NLN: variants seen among roughly 807,000 people sequenced by gnomAD.
The protein encoded by NLN is neurolysin, also known as neurolysin, mitochondrial.
Under a neutral mutation model 79.9 loss-of-function variants are expected in NLN, and 64 were observed. The observed-to-expected ratio is 0.80, with a 90% confidence interval of 0.65 to 0.99. The LOEUF (loss-of-function observed/expected upper bound fraction) is 0.99, where lower values mean the gene tolerates loss of function less well. Ranked by LOEUF, NLN falls within the 50% of genes least tolerant of loss-of-function variation. The pLI is 0.00. For synonymous variants in NLN, 267 were observed against 296.6 expected (o/e 0.90, Z 1.02); for missense variants, 835 against 858.7 (o/e 0.97, Z 0.34).
chr5:65,800,956 G>A (rs1187919595), intron 9 of NLN, among the ~76,000 whole-genome samples: 2 of 152,066 alleles, frequency 1.3e-5, no homozygotes, highest in African/African-American at 4.8e-5. Flanking sequence ...ACGTCTCAAA[G>A]TGCTGGAATT....
chr5:65,803,591 G>A (rs1397246934), intron 9 of NLN, among the ~76,000 whole-genome samples: 1 of 152,162 alleles, frequency 6.6e-6, no homozygotes, highest in African/African-American at 2.4e-5. Flanking sequence ...GCTACACCCA[G>A]GAGGGTGGGG....
In NLN at chr5:65,827,498, C is replaced by G. The variant is rs546088993; in HGVS notation, c.*4583C>G. On this transcript the variant is annotated 3_prime_UTR_variant, in exon 13 of 13. Transcript: ENST00000380985. ...ATTGCGTCCAGCAAGACACGCATTG[C>G]TGTTGATATCTTTGTGGCTAAGATG... The G allele has an allele frequency of 3.9e-5, 6 of 152,268 alleles. No homozygotes were observed. Among genetic ancestry groups the G allele is most frequent in the African/African-American group, 1.4e-4 (6 of 41,552 alleles). The allele number at this position is 152,268 out of a possible 1,614,324, so 9.4% of individuals were successfully genotyped here.
chr5:65,788,270 C>G lies in NLN; in HGVS notation c.1111C>G (p.Leu371Val). The G allele has an allele frequency of 6.2e-7, 1 of 1,614,074 alleles. No homozygotes were observed. Among genetic ancestry groups the G allele is most frequent in the Admixed American group, 1.7e-5 (1 of 60,020 alleles). The part of the protein sequence containing the change: ...LYYYMTQTEE[L>V]KYSIDQEFLK... ...TTACTACATGACTCAGACAGAGGAA[C>G]TCAAGTATTCCATAGACCAAGAGTT... Residue 371 changes from leucine to valine, a missense_variant, in exon 8 of 13, where the codon CTC (leucine) becomes GTC (valine). Coordinates refer to ENST00000380985, the MANE Select transcript of NLN (RefSeq NM_020726.5).
intron 9 of NLN, among the ~76,000 whole-genome samples, chr5:65,797,869 T>A (rs573082887): frequency 6.6e-6 from 1 of 152,296 alleles, no homozygotes; most frequent in Admixed American, 6.5e-5. Context: ...TGAGTGAAGA[T>A]CTGTGGAAGG....
intron 12 of NLN, among the ~76,000 whole-genome samples, chr5:65,819,722 A>G (rs1408684322): frequency 6.6e-6 from 1 of 152,184 alleles, no homozygotes; most frequent in East Asian, 1.9e-4. Flanking sequence ...TTTATAAACA[A>G]AGTATTAATA....
At chr5:65,724,235 T>A (rs1291159271) in intron 1 of NLN, among the ~76,000 whole-genome samples, 1 of 152,126 alleles carries the variant, frequency 6.6e-6, no homozygotes, top group Non-Finnish European at 1.5e-5. Flanking sequence ...TGAAACCCTG[T>A]ACCTATTACA....
chr5:65,756,411 C>T (rs528398062), intron 1 of NLN, among the ~76,000 whole-genome samples: 3 of 152,246 alleles, frequency 2.0e-5, no homozygotes, highest in African/African-American at 7.2e-5. Flanking sequence ...TTGAGTCAAA[C>T]TCCTGAATAT....
intron 1 of NLN, chr5:65,740,870 CTT>C (rs35913094): frequency 0.22 from 27,633 of 125,972 alleles, 2,125 homozygotes; most frequent in African/African-American, 0.25. Context: ...ATACGTAATT[CTT>C]TTTTTTTTTT....
At chr5:65,742,236 T>C (rs981554196) in intron 1 of NLN, among the ~76,000 whole-genome samples, 1 of 150,832 alleles carries the variant, frequency 6.6e-6, no homozygotes, top group Non-Finnish European at 1.5e-5. Flanking sequence ...TCATAAACAT[T>C]TTGTAAAAAG....
chr5:65,777,925 TGACA>T (rs1040404782), intron 4 of NLN, among the ~76,000 whole-genome samples: 5 of 152,226 alleles, frequency 3.3e-5, no homozygotes, highest in African/African-American at 9.6e-5. Context: ...AACCTCATGG[TGACA>T]GACAAACAAC....
chr5:65,750,904 T>C (rs1055725479), intron 1 of NLN, among the ~76,000 whole-genome samples: 16 of 152,196 alleles, frequency 1.1e-4, no homozygotes, highest in African/African-American at 3.9e-4. Context: ...GAAAGGACCC[T>C]GGACTTGAGC....
chr5:65,781,549 C>T, intron 6 of NLN, 128 bp downstream of exon 6: 1 of 694,630 alleles, frequency 1.4e-6, no homozygotes, highest in South Asian at 1.7e-5. Flanking sequence ...TCTCTAATTC[C>T]TCAGACTTAC....
chr5:65,727,835 C>T (rs1010251190), intron 1 of NLN, among the ~76,000 whole-genome samples: 13 of 152,102 alleles, frequency 8.5e-5, no homozygotes, highest in Admixed American at 3.3e-4. Flanking sequence ...GGCATGATCT[C>T]GGCTCACTGC....
In NLN at chr5:65,777,434, G is replaced by A. The variant is rs773255259; in HGVS notation, c.458G>A (p.Cys153Tyr). ...FERIVHLQET[C>Y]DLGKIKPEAR... Reference sequence around the variant, plus strand: ...CATGCTCTTTAATTTCAGGAAACCTGTGATCTGGGGAAGATAAAACCTGAG... The same window carrying A: ...CATGCTCTTTAATTTCAGGAAACCTATGATCTGGGGAAGATAAAACCTGAG... Residue 153 changes from cysteine to tyrosine, a missense_variant, in exon 4 of 13, where the codon TGT (cysteine) becomes TAT (tyrosine). By Grantham distance (194) the Cys-to-Tyr change is radical. Coordinates refer to ENST00000380985, the MANE Select transcript of NLN (RefSeq NM_020726.5). 4 of 1,606,834 alleles carry A rather than the reference G, an allele frequency of 2.5e-6. No individual in the cohort carries two copies. In the Admixed American group the frequency reaches 5.0e-5, roughly 20 times the overall value.
At chr5:65,820,090 A>C (rs1335525990) in intron 12 of NLN, among the ~76,000 whole-genome samples, 1 of 152,200 alleles carries the variant, frequency 6.6e-6, no homozygotes, top group Non-Finnish European at 1.5e-5. Flanking sequence ...TTATAACACC[A>C]TGGAGCTCCT....
intron 3 of NLN, among the ~76,000 whole-genome samples, chr5:65,770,597 G>A (rs1320973178): frequency 6.6e-6 from 1 of 152,164 alleles, no homozygotes; most frequent in Non-Finnish European, 1.5e-5. Context: ...TCATCACCAA[G>A]TTGGAGAAAA....
chr5:65,783,309 A>T (rs978848258), intron 6 of NLN, among the ~76,000 whole-genome samples: 1 of 152,146 alleles, frequency 6.6e-6, no homozygotes, highest in African/African-American at 2.4e-5. Flanking sequence ...TTTTTAAAAG[A>T]TTTGTCTTAT....
At chr5:65,741,592 A>AT (rs1159929756) in intron 1 of NLN, among the ~76,000 whole-genome samples, 10 of 152,186 alleles carry the variant, frequency 6.6e-5, no homozygotes, top group Admixed American at 2.0e-4. Context: ...CTCCTGAGTA[A>AT]TTTACTAAGG....
intron 3 of NLN, among the ~76,000 whole-genome samples, chr5:65,769,652 G>A (rs180843723): frequency 1.9e-3 from 282 of 152,332 alleles, no homozygotes; most frequent in Admixed American, 2.9e-3. Flanking sequence ...CCCTCCCAGT[G>A]TATGACTACT....
Sources: gnomAD v4.1 joint callset for allele counts (sites outside exome capture counted in the v4.1 genomes callset) on GRCh38, gnomAD v4.1.1 for gene constraint, MANE v1.5 for transcripts, NCBI Gene and HGNC (gene_info 2026-07-23, HGNC 2026-07-21) for gene names.